The following NEDD4L variants were observed in gnomAD, a reference collection of about 807,000 sequenced individuals.
The protein encoded by NEDD4L is E3 ubiquitin-protein ligase NEDD4-like.
A neutral mutation model predicts 148.9 loss-of-function variants in NEDD4L; 54 were observed. That is an observed-to-expected ratio of 0.36 (90% CI 0.29 to 0.45). The LOEUF (loss-of-function observed/expected upper bound fraction) is 0.45. Ranked by LOEUF, NEDD4L falls within the 20% of genes least tolerant of loss-of-function variation. The pLI is 1.00. For missense variants in NEDD4L, 856 were observed against 1,233.8 expected, an observed-to-expected ratio of 0.69 and a Z score of 4.59; for synonymous variants, 433 against 440.7, an observed-to-expected ratio of 0.98 and a Z score of 0.22.
chr18:58,310,724 G>C (rs992757611), intron 5 of NEDD4L, among the ~76,000 whole-genome samples: 1 of 152,202 alleles, frequency 6.6e-6, no homozygotes, highest in Non-Finnish European at 1.5e-5. Flanking sequence ...GGAACATTCT[G>C]CCTTCCTTTT....
chr18:58,361,177 G>C (rs530203378), intron 19 of NEDD4L, among the ~76,000 whole-genome samples: 2 of 152,278 alleles, frequency 1.3e-5, no homozygotes, highest in East Asian at 3.9e-4. Flanking sequence ...AGTGCCCACT[G>C]ATTTCTCTAA....
At chr18:58,226,979 C>T (rs190692819) in intron 2 of NEDD4L, among the ~76,000 whole-genome samples, 7 of 152,194 alleles carry the variant, frequency 4.6e-5, no homozygotes, top group African/African-American at 1.4e-4. Context: ...CTCCAGTGAA[C>T]GATATTAATT....
In NEDD4L at chr18:58,256,887, C is replaced by G; in HGVS notation, c.297+4833C>G. 1.0e-6 allele frequency: 1 copy of G among 962,676 alleles called. No individual in the cohort carries two copies. The highest frequency in any genetic ancestry group is 1.7e-5 in the African/African-American group (1 of 59,184). 59.6% of individuals were successfully genotyped at this position (962,676 alleles called of 1,614,324 possible). ...GTTCCGGGAGTTTCCCTGCTTCAGG[C>G]CAGTGGATCTGAATGTTTGGCCGAG... On this transcript the variant is annotated intron_variant, in intron 5 of 30. Transcript: ENST00000400345. This position sits in a 1 kb window ranked among gnomAD's most constrained non-coding sequence, Gnocchi z 5.2.
At chr18:58,138,461 A>G (rs1039711586) in intron 1 of NEDD4L, among the ~76,000 whole-genome samples, 6 of 149,120 alleles carry the variant, frequency 4.0e-5, no homozygotes. Context: ...GGCCTGAAAG[A>G]CAAGCCATTT....
intron 1 of NEDD4L, among the ~76,000 whole-genome samples, chr18:58,159,735 A>G (rs2035959519): frequency 6.6e-6 from 1 of 152,186 alleles, no homozygotes; most frequent in South Asian, 2.1e-4. Context: ...TTACATATTT[A>G]TGTGGTCCAA....
At chr18:58,059,837 T>C (rs1232510497) in intron 1 of NEDD4L, among the ~76,000 whole-genome samples, 2 of 152,162 alleles carry the variant, frequency 1.3e-5, no homozygotes, top group Non-Finnish European at 2.9e-5. Context: ...AATTAACCAT[T>C]CCGCAGTGTG....
At chr18:58,367,688 A>T in intron 21 of NEDD4L, 58 bp from the exon 22 acceptor site, 1 of 1,602,084 alleles carries the variant, frequency 6.2e-7, no homozygotes, top group South Asian at 1.1e-5. Flanking sequence ...GCAAACAAAT[A>T]TGCAAAATCT....
chr18:58,259,731 G>C (rs1415631001), intron 5 of NEDD4L, among the ~76,000 whole-genome samples: 1 of 152,092 alleles, frequency 6.6e-6, no homozygotes, highest in South Asian at 2.1e-4. Context: ...GGGCCCACCC[G>C]GACAAAAGCA....
intron 2 of NEDD4L, among the ~76,000 whole-genome samples, chr18:58,214,678 C>A (rs2042964779): frequency 6.7e-6 from 1 of 148,902 alleles, no homozygotes. Flanking sequence ...CGGGATCATG[C>A]TGGAAATGAT....
At chr18:58,109,820 G>A (rs1240729077) in intron 1 of NEDD4L, among the ~76,000 whole-genome samples, 1 of 152,042 alleles carries the variant, frequency 6.6e-6, no homozygotes, top group Non-Finnish European at 1.5e-5. Flanking sequence ...CACCTGCCTT[G>A]GCCTCCCAAA....
chr18:58,362,649 A>G (rs2045629168), intron 19 of NEDD4L, among the ~76,000 whole-genome samples: 1 of 152,172 alleles, frequency 6.6e-6, no homozygotes, highest in Non-Finnish European at 1.5e-5. Flanking sequence ...GAGCTCCAGG[A>G]GGGAACTGGG....
intron 5 of NEDD4L, among the ~76,000 whole-genome samples, chr18:58,281,402 T>C (rs2053068284): frequency 6.6e-6 from 1 of 152,122 alleles, no homozygotes; most frequent in South Asian, 2.1e-4. Flanking sequence ...TAGTACAAGA[T>C]GTAAAAACCT....
chr18:58,176,798 A>G (rs879760307), intron 2 of NEDD4L, among the ~76,000 whole-genome samples: 5 of 152,218 alleles, frequency 3.3e-5, no homozygotes, highest in Non-Finnish European at 1.5e-5. Flanking sequence ...AAGGAAAACT[A>G]CAAGACTTCT....
chr18:58,351,114 G>T, intron 18 of NEDD4L, 69 bp downstream of exon 18: 1 of 1,546,864 alleles, frequency 6.5e-7, no homozygotes, highest in Non-Finnish European at 8.7e-7. Context: ...AAACATCATA[G>T]TGAAAGCTTT....
intron 30 of NEDD4L, among the ~76,000 whole-genome samples, chr18:58,395,239 TACAC>T (rs971514338): frequency 2.2e-4 from 34 of 151,804 alleles, no homozygotes; most frequent in African/African-American, 8.0e-4. Flanking sequence ...CCCCAACACA[TACAC>T]ACACACACAG....
chr18:58,141,674 C>T (rs944832411), intron 1 of NEDD4L, among the ~76,000 whole-genome samples: 1 of 152,034 alleles, frequency 6.6e-6, no homozygotes, highest in East Asian at 1.9e-4. Context: ...TTTTCATGTA[C>T]GTATATGTTA....
intron 16 of NEDD4L, among the ~76,000 whole-genome samples, chr18:58,349,184 C>A (rs540124500): frequency 1.3e-5 from 2 of 152,118 alleles, no homozygotes; most frequent in African/African-American, 2.4e-5. Flanking sequence ...ACCGTTGTCC[C>A]CACTCCCTCT....
chr18:58,217,451 C>G (rs945167711), intron 2 of NEDD4L, among the ~76,000 whole-genome samples: 2 of 152,188 alleles, frequency 1.3e-5, no homozygotes, highest in Non-Finnish European at 2.9e-5. Flanking sequence ...TGATATAGTA[C>G]ATTCTTAGCA....
chr18:58,099,962 G>T (rs9957282), intron 1 of NEDD4L, among the ~76,000 whole-genome samples: 32,762 of 151,870 alleles, frequency 0.22, 6,842 homozygotes, highest in African/African-American at 0.55. Context: ...TAATCAAAGT[G>T]CAGGTCCCCC....
Sources: allele counts gnomAD v4.1 joint callset (sites outside exome capture counted in the v4.1 genomes callset), GRCh38; gene constraint gnomAD v4.1.1; non-coding constraint Gnocchi (gnomAD v3.1); transcripts MANE v1.5; gene names NCBI Gene and HGNC (gene_info 2026-07-23, HGNC 2026-07-21).